ZNF804B: variants seen among roughly 807,000 people sequenced by gnomAD.
ZNF804B encodes zinc finger 804B.
Under a neutral mutation model 101.4 loss-of-function variants are expected in ZNF804B, and 80 were observed. The observed-to-expected ratio is 0.79, with a 90% CI of 0.66 to 0.95. The LOEUF is 0.95. Ranked by LOEUF, ZNF804B falls within the 40% of genes least tolerant of loss-of-function variation. The pLI is 0.00. For missense variants in ZNF804B, 1,673 were observed against 1,561.9 expected, an observed-to-expected ratio of 1.07 and a Z score of -1.20; for synonymous variants, 622 against 558.8, an observed-to-expected ratio of 1.11 and a Z score of -1.59.
chr7:89,303,897 A>G (rs937884580), intron 2 of ZNF804B, among the ~76,000 whole-genome samples: 3 of 151,958 alleles, frequency 2.0e-5, no homozygotes, highest in Non-Finnish European at 4.4e-5. Context: ...CTTTGTTAAT[A>G]AAGATAAGAA....
At chr7:89,269,891 G>C (rs1208842) in intron 2 of ZNF804B, among the ~76,000 whole-genome samples, 37,261 of 152,012 alleles carry the variant, frequency 0.25, 4,779 homozygotes, top group Non-Finnish European at 0.27. Flanking sequence ...CATATCCTTT[G>C]CCCACTTTTT....
chr7:89,064,584 A>G (rs1161912868), intron 1 of ZNF804B, among the ~76,000 whole-genome samples: 1 of 152,186 alleles, frequency 6.6e-6, no homozygotes, highest in African/African-American at 2.4e-5. Context: ...GTCTGGTCAT[A>G]CAACCATGGA....
intron 2 of ZNF804B, among the ~76,000 whole-genome samples, chr7:89,279,516 A>G (rs954546862): frequency 2.0e-5 from 3 of 151,142 alleles, no homozygotes; most frequent in East Asian, 1.9e-4. Context: ...ATTATTTTGA[A>G]ATACGTCCCA....
intron 2 of ZNF804B, among the ~76,000 whole-genome samples, chr7:89,233,345 G>A (rs1789228249): frequency 6.6e-6 from 1 of 152,198 alleles, no homozygotes; most frequent in Admixed American, 6.5e-5. Context: ...AATTGTGCCA[G>A]AGCACACAGA....
At chr7:89,162,650 CTT>C (rs1472249450) in intron 1 of ZNF804B, among the ~76,000 whole-genome samples, 1 of 119,314 alleles carries the variant, frequency 8.4e-6, no homozygotes, top group South Asian at 2.7e-4. Context: ...TTTAAATATT[CTT>C]TTATTATTAT....
chr7:88,859,247 T>C (rs1791614462), intron 1 of ZNF804B, among the ~76,000 whole-genome samples: 1 of 151,946 alleles, frequency 6.6e-6, no homozygotes. Context: ...TTAGGTGTAG[T>C]GTTTTGTCTA....
chr7:89,037,851 T>C (rs1298828644), intron 1 of ZNF804B, among the ~76,000 whole-genome samples: 1 of 152,132 alleles, frequency 6.6e-6, no homozygotes, highest in African/African-American at 2.4e-5. Context: ...AAGCGGCAAA[T>C]GAACTTTTAT....
rs201815913 is a variant in ZNF804B, at chr7:88,843,797, TCTTA to T, written c.108+83717_108+83720del. Among the ~76,000 whole-genome samples, 935 of 152,252 alleles carry T rather than the reference TCTTA, an allele frequency of 6.1e-3. 12 individuals are homozygous for T. Among genetic ancestry groups the T allele is most frequent in the African/African-American group, 0.019 (794 of 41,558 alleles). ...TGAAGACAATGTCAAACTTATTGTA[TCTTA>T]CTTCTAAATCACAATGGCAATTGTA... On this transcript the variant is annotated intron_variant, in intron 1 of 3. Transcript: ENST00000333190.
intron 1 of ZNF804B, among the ~76,000 whole-genome samples, chr7:89,024,780 C>T (rs1397914393): frequency 3.3e-5 from 5 of 151,676 alleles, no homozygotes; most frequent in Admixed American, 1.3e-4. Flanking sequence ...CCATCAACTC[C>T]CCATTCTTCT....
chr7:88,876,998 GAAA>G (rs1161171786), intron 1 of ZNF804B, among the ~76,000 whole-genome samples: 6 of 53,872 alleles, frequency 1.1e-4, no homozygotes, highest in Middle Eastern at 0.014. Flanking sequence ...GAGAATATTT[GAAA>G]AAAAAAATAT....
chr7:88,881,669 T>C (rs1792030729), intron 1 of ZNF804B, among the ~76,000 whole-genome samples: 1 of 152,114 alleles, frequency 6.6e-6, no homozygotes, highest in Non-Finnish European at 1.5e-5. Flanking sequence ...GTGCTTCATA[T>C]CAGGACAAAA....
At chr7:88,887,157 C>T (rs1263585871) in intron 1 of ZNF804B, among the ~76,000 whole-genome samples, 1 of 128,526 alleles carries the variant, frequency 7.8e-6, no homozygotes, top group Non-Finnish European at 1.6e-5. Flanking sequence ...TAGGCAGCAC[C>T]ATCATTAAAT....
chr7:89,015,779 T>C (rs887028741), intron 1 of ZNF804B, among the ~76,000 whole-genome samples: 7 of 152,188 alleles, frequency 4.6e-5, no homozygotes, highest in Admixed American at 4.6e-4. Context: ...CTATTGTGAA[T>C]AGTGCCGCAA....
At chr7:88,854,188 C>A (rs951029149) in intron 1 of ZNF804B, among the ~76,000 whole-genome samples, 1 of 152,092 alleles carries the variant, frequency 6.6e-6, no homozygotes, top group Admixed American at 6.6e-5. Context: ...GACACTTGAA[C>A]AAGTTATCTT....
At chr7:89,070,830 G>A (rs1010956049) in intron 1 of ZNF804B, among the ~76,000 whole-genome samples, 20 of 151,800 alleles carry the variant, frequency 1.3e-4, no homozygotes, top group African/African-American at 4.9e-4. Flanking sequence ...GGGCATTCAA[G>A]TCTTCATTTG....
rs76000945 is a variant in ZNF804B, at chr7:89,265,600, G to A, written c.249+47305G>A. On this transcript the variant is annotated intron_variant, in intron 2 of 3. Coordinates refer to ENST00000333190, the MANE Select transcript of ZNF804B (RefSeq NM_181646.5). ...AAATCTCATTCTTTCTGGCATTGTGGAACTTTACAAATTCCATTTAAATTT... is the reference window on the plus strand; with the variant it reads ...AAATCTCATTCTTTCTGGCATTGTGAAACTTTACAAATTCCATTTAAATTT... Among the ~76,000 whole-genome samples the A allele has an allele frequency of 3.6e-3, 547 of 152,244 alleles. 11 individuals carry two copies. Among genetic ancestry groups the A allele is most frequent in the Admixed American group, 0.023 (359 of 15,290 alleles).
intron 2 of ZNF804B, among the ~76,000 whole-genome samples, chr7:89,277,846 A>C (rs1009871360): frequency 6.6e-6 from 1 of 151,992 alleles, no homozygotes; most frequent in Admixed American, 6.6e-5. Flanking sequence ...ATGATTTATA[A>C]TCCTTTGGGT....
At chr7:88,969,957 G>A (rs188779327) in intron 1 of ZNF804B, among the ~76,000 whole-genome samples, 8 of 151,614 alleles carry the variant, frequency 5.3e-5, no homozygotes, top group Admixed American at 1.3e-4. Context: ...TCTGAATACA[G>A]TTATAAAACC....
chr7:88,972,539 G>C (rs958074752), intron 1 of ZNF804B, among the ~76,000 whole-genome samples: 1 of 151,168 alleles, frequency 6.6e-6, no homozygotes, highest in African/African-American at 2.4e-5. Context: ...GTGTAGGATT[G>C]TGATAGAAAA....
Sources: gnomAD v4.1 joint callset for allele counts (sites outside exome capture counted in the v4.1 genomes callset) on GRCh38, gnomAD v4.1.1 for gene constraint, MANE v1.5 for transcripts, NCBI Gene and HGNC (gene_info 2026-07-23, HGNC 2026-07-21) for gene names.